The following CACNA2D3 variants were observed in gnomAD, a reference collection of about 807,000 sequenced individuals.
The protein encoded by CACNA2D3 is voltage-dependent calcium channel subunit alpha-2/delta-3.
In CACNA2D3, 60 loss-of-function variants were observed where a neutral mutation model predicts 160.6. The ratio of observed to expected loss-of-function variants is 0.37; its 90% CI spans 0.30 to 0.46. The LOEUF is 0.46. CACNA2D3 is among the 20% of genes least tolerant of loss of function. The pLI is 1.00. For missense variants in CACNA2D3, 1,205 were observed against 1,365.0 expected (o/e 0.88, Z 1.85); for synonymous variants, 558 against 492.9 (o/e 1.13, Z -1.75).
chr3:54,592,391 A>G (rs116790764), intron 9 of CACNA2D3, among the ~76,000 whole-genome samples: 9,850 of 152,244 alleles, frequency 0.065, 429 homozygotes, highest in Non-Finnish European at 0.098. Context: ...TTTGTCTTTT[A>G]AAGCTATTGT....
At chr3:54,178,019 G>C (rs1700708100) in intron 2 of CACNA2D3, 1 of 152,120 alleles carries the variant, frequency 6.6e-6, no homozygotes, top group South Asian at 2.1e-4. Context: ...CATTTTCAAG[G>C]CTGGCTCCTG....
chr3:54,204,796 G>GAAAAA (rs57129457), intron 2 of CACNA2D3, among the ~76,000 whole-genome samples: 13 of 74,060 alleles, frequency 1.8e-4, no homozygotes, highest in African/African-American at 2.4e-4. Context: ...ATGCTGTCTT[G>GAAAAA]AAAAAAAAAA....
At chr3:54,263,063 G>A (rs545624698) in intron 2 of CACNA2D3, among the ~76,000 whole-genome samples, 2 of 152,216 alleles carry the variant, frequency 1.3e-5, no homozygotes, top group African/African-American at 4.8e-5. Flanking sequence ...CATGTGTGTG[G>A]TGTGTGTGTA....
At chr3:54,462,322 T>C (rs921999537) in intron 4 of CACNA2D3, among the ~76,000 whole-genome samples, 4 of 152,210 alleles carry the variant, frequency 2.6e-5, no homozygotes, top group African/African-American at 9.6e-5. Context: ...GTTCAATTCC[T>C]GTGTATCCTT....
chr3:55,009,089 A>G (rs1054707146), intron 33 of CACNA2D3, among the ~76,000 whole-genome samples: 2 of 152,230 alleles, frequency 1.3e-5, no homozygotes, highest in Non-Finnish European at 2.9e-5. Flanking sequence ...ACTAGATGAT[A>G]TTAAGATTGA....
At chr3:54,486,134 A>G (rs1026627661) in intron 4 of CACNA2D3, among the ~76,000 whole-genome samples, 1 of 152,194 alleles carries the variant, frequency 6.6e-6, no homozygotes, top group South Asian at 2.1e-4. Flanking sequence ...GCCAGACTGT[A>G]AAGAGGAGAC....
chr3:54,766,116 T>C (rs181098986), intron 13 of CACNA2D3, among the ~76,000 whole-genome samples: 2 of 152,124 alleles, frequency 1.3e-5, no homozygotes, highest in Admixed American at 6.5e-5. Context: ...TAAATAAGTT[T>C]GACTACAACT....
At chr3:54,737,956 A>C (rs1042574651) in intron 11 of CACNA2D3, among the ~76,000 whole-genome samples, 1 of 152,118 alleles carries the variant, frequency 6.6e-6, no homozygotes, top group Non-Finnish European at 1.5e-5. Flanking sequence ...GTGAGCCACC[A>C]TGCCCAGCCA....
intron 27 of CACNA2D3, among the ~76,000 whole-genome samples, chr3:54,907,612 C>T (rs895094380): frequency 1.3e-5 from 2 of 152,076 alleles, no homozygotes; most frequent in African/African-American, 4.8e-5. Context: ...GTGCTGTTTC[C>T]TGTATTATGT....
intron 35 of CACNA2D3, among the ~76,000 whole-genome samples, chr3:55,043,548 T>A (rs1199506029): frequency 6.6e-6 from 1 of 152,164 alleles, no homozygotes; most frequent in Non-Finnish European, 1.5e-5. Context: ...ATTTTTTGTA[T>A]ATTCTAGATA....
intron 4 of CACNA2D3, among the ~76,000 whole-genome samples, chr3:54,420,130 G>C (rs1378386325): frequency 6.6e-6 from 1 of 151,870 alleles, no homozygotes; most frequent in African/African-American, 2.4e-5. Context: ...TGTCGCCCAG[G>C]CTGGAGTTGA....
At chr3:55,061,961 G>A (rs1255718324) in intron 35 of CACNA2D3, among the ~76,000 whole-genome samples, 1 of 152,212 alleles carries the variant, frequency 6.6e-6, no homozygotes, top group African/African-American at 2.4e-5. Flanking sequence ...TCTATAGAAG[G>A]TCAGACAGGG....
chr3:54,846,268 T>C, intron 16 of CACNA2D3, 125 bp from the exon 17 acceptor site: 1 of 546,900 alleles, frequency 1.8e-6, no homozygotes, highest in Non-Finnish European at 3.3e-6. Flanking sequence ...AATGAAATAT[T>C]GTGCTGATAA....
chr3:54,751,975 G>C (rs1701865146), intron 11 of CACNA2D3, among the ~76,000 whole-genome samples: 1 of 152,164 alleles, frequency 6.6e-6, no homozygotes, highest in African/African-American at 2.4e-5. Flanking sequence ...AGAGGGTTGA[G>C]AAACCAGTAG....
At chr3:55,002,390 G>A (rs1384682072) in intron 31 of CACNA2D3, among the ~76,000 whole-genome samples, 1 of 152,166 alleles carries the variant, frequency 6.6e-6, no homozygotes, top group African/African-American at 2.4e-5. Flanking sequence ...CCCTTGCAGG[G>A]GTACCTGTAG....
chr3:54,561,026 A>G lies in CACNA2D3; in HGVS notation c.545-1774A>G, dbSNP rs557608870. Among the ~76,000 whole-genome samples, 193 of 152,234 alleles carry G rather than the reference A, an allele frequency of 1.3e-3. 1 individual carries two copies. The highest frequency in any genetic ancestry group is 4.2e-3 in the African/African-American group (175 of 41,542). ...CAGATACTGTGATGCCTCTAGCTTTATTCATTTTGATTAGGGTTGCCTTGG... is the reference window on the plus strand; with the variant it reads ...CAGATACTGTGATGCCTCTAGCTTTGTTCATTTTGATTAGGGTTGCCTTGG... On this transcript the variant is annotated intron_variant, in intron 5 of 37. Coordinates refer to ENST00000474759, the MANE Select transcript of CACNA2D3 (RefSeq NM_018398.3).
intron 27 of CACNA2D3, among the ~76,000 whole-genome samples, chr3:54,911,742 C>T (rs975199561): frequency 6.6e-6 from 1 of 152,088 alleles, no homozygotes; most frequent in African/African-American, 2.4e-5. Flanking sequence ...TCATATGAGC[C>T]ACAGAAATCA....
chr3:54,261,285 C>G (rs916960019), intron 2 of CACNA2D3, among the ~76,000 whole-genome samples: 4 of 152,200 alleles, frequency 2.6e-5, no homozygotes, highest in African/African-American at 9.7e-5. Context: ...CGAGAATACT[C>G]AAGCCCGTCT....
chr3:54,988,337 A>G (rs989706122), intron 31 of CACNA2D3, among the ~76,000 whole-genome samples: 9 of 152,216 alleles, frequency 5.9e-5, no homozygotes, highest in African/African-American at 2.2e-4. Context: ...CTGATCCTGA[A>G]TAAAGCTTGT....
Sources: allele counts gnomAD v4.1 joint callset (sites outside exome capture counted in the v4.1 genomes callset), GRCh38; gene constraint gnomAD v4.1.1; transcripts MANE v1.5; gene names NCBI Gene and HGNC (gene_info 2026-07-23, HGNC 2026-07-21).